The following BCL2L13 variants were observed in gnomAD, a reference collection of about 807,000 sequenced individuals.
BCL2L13 encodes BCL2 like 13.
In BCL2L13, 13 loss-of-function variants were observed where a neutral mutation model predicts 25.8. That is an observed-to-expected ratio of 0.50 (90% CI 0.33 to 0.80). The LOEUF (loss-of-function observed/expected upper bound fraction) is 0.80, where lower values mean the gene tolerates loss of function less well. Among genes scored for constraint, BCL2L13 ranks in the 30% least tolerant of loss-of-function variants. The probability of loss-of-function intolerance (pLI) is 0.02; values close to 1 mark genes in which losing one functional copy is unlikely to be tolerated. For missense variants in BCL2L13, 504 were observed against 574.9 expected, an observed-to-expected ratio of 0.88 and a Z score of 1.26; for synonymous variants, 244 against 230.3, an observed-to-expected ratio of 1.06 and a Z score of -0.54.
chr22:17,708,293 A>G (rs1246359357), intron 6 of BCL2L13, among the ~76,000 whole-genome samples: 1 of 152,196 alleles, frequency 6.6e-6, no homozygotes, highest in African/African-American at 2.4e-5. Context: ...CAGACAGAAA[A>G]GCACCAGAAA....
At chr22:17,726,320 T>C (rs989143104) in intron 6 of BCL2L13, among the ~76,000 whole-genome samples, 5 of 149,074 alleles carry the variant, frequency 3.4e-5, no homozygotes, top group Admixed American at 6.7e-5. Flanking sequence ...CACTGCACTC[T>C]AGCCTGGGAG....
At chr22:17,651,625 A>G (rs1350229765) in intron 1 of BCL2L13, among the ~76,000 whole-genome samples, 1 of 148,842 alleles carries the variant, frequency 6.7e-6, no homozygotes, top group Non-Finnish European at 1.5e-5. Flanking sequence ...CATATGATCT[A>G]CCTGCCTCAG....
chr22:17,705,285 A>C (rs1258921012), intron 6 of BCL2L13, among the ~76,000 whole-genome samples: 1 of 151,398 alleles, frequency 6.6e-6, no homozygotes, highest in African/African-American at 2.4e-5. Context: ...AACAAACAAA[A>C]ACCCAAGATA....
intron 6 of BCL2L13, among the ~76,000 whole-genome samples, chr22:17,716,726 T>C (rs138904994): frequency 5.7e-4 from 87 of 152,300 alleles, no homozygotes; most frequent in African/African-American, 2.0e-3. Context: ...AAATTATAAA[T>C]AGACTTCAAA....
At chr22:17,666,678 CTTTTTTTTT>C (rs35623813) in intron 2 of BCL2L13, among the ~76,000 whole-genome samples, 1 of 121,400 alleles carries the variant, frequency 8.2e-6, no homozygotes, top group African/African-American at 3.1e-5. Flanking sequence ...GGACCTCATT[CTTTTTTTTT>C]TTTTTTTTTT....
rs1351437751 is a variant in BCL2L13, at chr22:17,644,894, C to G, written c.-51+6008C>G. Among the ~76,000 whole-genome samples the G allele has an allele frequency of 1.5e-4, 23 of 150,144 alleles. 2 individuals are homozygous for G. Among genetic ancestry groups the G allele is most frequent in the African/African-American group, 5.5e-4 (22 of 40,028 alleles). On this transcript the variant is annotated intron_variant, in intron 1 of 6. Transcript: ENST00000317582. Reference sequence around the variant, plus strand: ...GCACAATCTCAGCTCACTGCAACCTCTGACTCCCTGGTTCAAGGGATTCTC... The same window carrying G: ...GCACAATCTCAGCTCACTGCAACCTGTGACTCCCTGGTTCAAGGGATTCTC...
At chr22:17,717,666 A>G (rs1464796485) in intron 6 of BCL2L13, among the ~76,000 whole-genome samples, 1 of 151,314 alleles carries the variant, frequency 6.6e-6, no homozygotes, top group Non-Finnish European at 1.5e-5. Context: ...AGTTCCTGAT[A>G]AGAAGAAGCC....
intron 5 of BCL2L13, among the ~76,000 whole-genome samples, chr22:17,698,555 TTAAAAAAAAAA>T: frequency 1.0e-5 from 1 of 97,754 alleles, no homozygotes; most frequent in African/African-American, 4.9e-5. Context: ...ACCCTGTCTC[TTAAAAAAAAAA>T]AAAAAAAAAA....
rs2061337144 is a variant in BCL2L13 at position 17,727,824 on chromosome 22, C to T, written c.*290C>T. 1 of 446,346 alleles carries T rather than the reference C, an allele frequency of 2.2e-6. No homozygotes were observed. The highest frequency in any genetic ancestry group is 2.0e-5 in the African/African-American group (1 of 50,988). The allele number at this position is 446,346 out of a possible 1,614,324, so 27.6% of individuals were successfully genotyped here. ...GCCTTGGCACTAGTGCTGTTCTGAC[C>T]ATTCTCTGTGTTGGGGCTGTCCTGT... On this transcript the variant is annotated 3_prime_UTR_variant, in exon 7 of 7. Coordinates refer to ENST00000317582, the MANE Select transcript of BCL2L13 (RefSeq NM_015367.4).
chr22:17,673,765 C>T (rs2059491647), intron 2 of BCL2L13, among the ~76,000 whole-genome samples: 1 of 151,974 alleles, frequency 6.6e-6, no homozygotes. Flanking sequence ...TTAAGCTACA[C>T]CTGCTGGAAT....
intron 6 of BCL2L13, among the ~76,000 whole-genome samples, chr22:17,717,380 C>CAAAAAAAAAAAAAAAAAA (rs371314290): frequency 4.8e-5 from 6 of 126,220 alleles, no homozygotes; most frequent in Non-Finnish European, 6.6e-5. Context: ...GACTCTGTCT[C>CAAAAAAAAAAAAAAAAAA]AAAAAAGATC....
intron 1 of BCL2L13, among the ~76,000 whole-genome samples, chr22:17,632,706 CTT>C (rs1472766193): frequency 6.7e-6 from 1 of 149,230 alleles, no homozygotes; most frequent in East Asian, 2.0e-4. Flanking sequence ...ATCAACCGTG[CTT>C]TTGTTTTTTG....
chr22:17,634,963 A>G (rs1437368845), upstream of BCL2L13, among the ~76,000 whole-genome samples: 15 of 151,014 alleles, frequency 9.9e-5, no homozygotes, highest in African/African-American at 3.6e-4. Flanking sequence ...TCAAAAGGAA[A>G]AAAAAAAAAA....
rs181251900 is a variant in BCL2L13 at position 17,652,508 on chromosome 22, G to A, written c.-50-3154G>A. ...AGCTGGAGTGCAGTGGTGTGATCTC[G>A]GCTCATTTCAACCTCTTCCTCCTGG... On this transcript the variant is annotated intron_variant, in intron 1 of 6. Coordinates refer to ENST00000317582, the MANE Select transcript of BCL2L13 (RefSeq NM_015367.4). 7.2e-5 allele frequency among the ~76,000 whole-genome samples: 11 copies of A among 151,872 alleles called. No homozygotes were observed. The East Asian group carries it at 2.1e-3, about 30-fold the overall frequency.
In BCL2L13 at chr22:17,730,492, C is replaced by G. The variant is rs1309875103; in HGVS notation, c.*2958C>G. Reference sequence around the variant, plus strand: ...CATTTCCTCAGGCTTTGCGCTGATTCCCTCAATAATATGACAGTAAGGCAA... The same window carrying G: ...CATTTCCTCAGGCTTTGCGCTGATTGCCTCAATAATATGACAGTAAGGCAA... On this transcript the variant is annotated 3_prime_UTR_variant, in exon 7 of 7. Coordinates refer to ENST00000317582, the MANE Select transcript of BCL2L13 (RefSeq NM_015367.4). 6.6e-6 allele frequency: 1 copy of G among 152,162 alleles called. No individual in the cohort carries two copies. Among genetic ancestry groups the G allele is most frequent in the Non-Finnish European group, 1.5e-5 (1 of 68,038 alleles). The allele number at this position is 152,162 out of a possible 1,614,324, so 9.4% of individuals were successfully genotyped here.
At chr22:17,685,814 C>T (rs1007900822) in intron 3 of BCL2L13, among the ~76,000 whole-genome samples, 1 of 110,642 alleles carries the variant, frequency 9.0e-6, no homozygotes, top group African/African-American at 3.3e-5. Context: ...CTCTGTTGCC[C>T]AGGCTGGAGT....
chr22:17,687,900 C>G lies in BCL2L13; in HGVS notation c.230-1086C>G, dbSNP rs536949452. On this transcript the variant is annotated intron_variant, in intron 3 of 6. Coordinates refer to ENST00000317582, the MANE Select transcript of BCL2L13 (RefSeq NM_015367.4). Reference sequence around the variant, plus strand: ...TGGCACAATCTTGGCTCGCTGCAACCTCTATCTCCCAGGTTCAAGCGATTC... The same window carrying G: ...TGGCACAATCTTGGCTCGCTGCAACGTCTATCTCCCAGGTTCAAGCGATTC... Among the ~76,000 whole-genome samples the G allele has an allele frequency of 2.6e-3, 387 of 150,218 alleles. 1 individual carries two copies. The highest frequency in any genetic ancestry group is 3.9e-3 in the Non-Finnish European group (263 of 67,768).
chr22:17,699,340 C>T (rs2060362682), intron 5 of BCL2L13, among the ~76,000 whole-genome samples: 1 of 152,156 alleles, frequency 6.6e-6, no homozygotes, highest in Non-Finnish European at 1.5e-5. Context: ...GAAAGGGACT[C>T]TCAGAACTAT....
chr22:17,639,781 T>TA (rs987970596), intron 1 of BCL2L13, among the ~76,000 whole-genome samples: 8 of 152,076 alleles, frequency 5.3e-5, no homozygotes, highest in Non-Finnish European at 8.8e-5. Flanking sequence ...AGGTTTAGTA[T>TA]AAAGCAGAAT....
Sources: gnomAD v4.1 joint callset for allele counts (sites outside exome capture counted in the v4.1 genomes callset) on GRCh38, gnomAD v4.1.1 for gene constraint, MANE v1.5 for transcripts, NCBI Gene and HGNC (gene_info 2026-07-23, HGNC 2026-07-21) for gene names.